CCDC178: variants seen among roughly 807,000 people sequenced by gnomAD.
CCDC178 encodes the protein coiled-coil domain containing 178.
CCDC178 carries 126 observed loss-of-function variants against 117.4 expected under a neutral mutation model. That is an observed-to-expected ratio of 1.07 (90% CI 0.93 to 1.24). CCDC178 has a LOEUF of 1.24. Ranked by LOEUF, CCDC178 falls within the 50% of genes most tolerant of loss-of-function variation. CCDC178 has a pLI of 0.00. For missense variants in CCDC178, 1,030 were observed against 986.9 expected, an observed-to-expected ratio of 1.04 and a Z score of -0.59; for synonymous variants, 283 against 313.4, an observed-to-expected ratio of 0.90 and a Z score of 1.02.
At chr18:33,176,705 G>A (rs916235101) in intron 20 of CCDC178, among the ~76,000 whole-genome samples, 2 of 151,984 alleles carry the variant, frequency 1.3e-5, no homozygotes, top group Admixed American at 1.3e-4. Flanking sequence ...AATTACTACA[G>A]TGTACTGTCT....
At chr18:33,089,966 A>G (rs1779330433) in intron 21 of CCDC178, among the ~76,000 whole-genome samples, 1 of 152,188 alleles carries the variant, frequency 6.6e-6, no homozygotes, top group Non-Finnish European at 1.5e-5. Flanking sequence ...TTACCCATGA[A>G]CAGGGCAAAT....
intron 22 of CCDC178, among the ~76,000 whole-genome samples, chr18:32,944,275 T>C (rs2054298909): frequency 1.3e-5 from 2 of 152,174 alleles, no homozygotes; most frequent in East Asian, 3.9e-4. Flanking sequence ...AAGCTGGTCC[T>C]TGAAAGATGA....
At chr18:33,179,079 ATATATATATATATATATATATATATATAT>A (rs2058699199) in intron 20 of CCDC178, among the ~76,000 whole-genome samples, 1 of 43,858 alleles carries the variant, frequency 2.3e-5, no homozygotes, top group Non-Finnish European at 3.5e-5. Context: ...AAAAAAAAAA[ATATATATATATATATATATATATATATAT>A]AAACTATATA....
intron 15 of CCDC178, among the ~76,000 whole-genome samples, chr18:33,239,499 T>A: frequency 6.9e-6 from 1 of 144,810 alleles, no homozygotes; most frequent in African/African-American, 2.6e-5. Context: ...GAAAGTGACG[T>A]GGTTAAAAAA....
intron 14 of CCDC178, 93 bp downstream of exon 14, chr18:33,266,823 A>T (rs1301611427): frequency 4.1e-6 from 5 of 1,209,048 alleles, no homozygotes; most frequent in Non-Finnish European, 5.6e-6. Context: ...CAAAAACACC[A>T]CCATATAACT....
chr18:33,421,001 A>G (rs964440200), intron 2 of CCDC178, among the ~76,000 whole-genome samples: 1 of 152,192 alleles, frequency 6.6e-6, no homozygotes, highest in African/African-American at 2.4e-5. Flanking sequence ...CAACCAGAGA[A>G]GCAATTAGAG....
intron 10 of CCDC178, among the ~76,000 whole-genome samples, chr18:33,326,800 C>A (rs1321055706): frequency 2.0e-5 from 3 of 151,574 alleles, no homozygotes; most frequent in Non-Finnish European, 4.4e-5. Flanking sequence ...TGAAGGCAGC[C>A]TTCTCTCTCA....
At chr18:33,061,756 T>A (rs537993850) in intron 21 of CCDC178, among the ~76,000 whole-genome samples, 2 of 152,342 alleles carry the variant, frequency 1.3e-5, no homozygotes, top group South Asian at 4.1e-4. Context: ...TTAGATGATC[T>A]ATAAATGATA....
chr18:33,158,154 T>G (rs1481659537), intron 20 of CCDC178, among the ~76,000 whole-genome samples: 1 of 152,168 alleles, frequency 6.6e-6, no homozygotes, highest in African/African-American at 2.4e-5. Flanking sequence ...TTAAATTGCT[T>G]TCTTATCACT....
chr18:33,305,168 G>A (rs2062231024), intron 11 of CCDC178, among the ~76,000 whole-genome samples: 2 of 152,106 alleles, frequency 1.3e-5, no homozygotes, highest in Admixed American at 1.3e-4. Context: ...CCTTATTTGG[G>A]AAGCTTTTTT....
intron 9 of CCDC178, among the ~76,000 whole-genome samples, chr18:33,340,137 G>T (rs146984819): frequency 6.6e-4 from 101 of 152,272 alleles, no homozygotes; most frequent in Middle Eastern, 3.4e-3. Context: ...GGATGAGGTG[G>T]TCTCAGACAG....
chr18:33,354,351 C>T (rs1243910223), intron 7 of CCDC178, among the ~76,000 whole-genome samples: 1 of 152,030 alleles, frequency 6.6e-6, no homozygotes, highest in Non-Finnish European at 1.5e-5. Context: ...AGTTTCTTAG[C>T]CATTGTTTCT....
Position 32,987,955 on chromosome 18 carries a change from C to T in CCDC178, c.2389-13274G>A, listed in dbSNP as rs9675909. Among the ~76,000 whole-genome samples the T allele has an allele frequency of 9.3e-3, 1,407 of 151,806 alleles. 23 individuals are homozygous for T. The highest frequency in any genetic ancestry group is 0.033 in the African/African-American group (1,351 of 41,400). ...TCTACTGCGTGGTGGCAGACGCCTG[C>T]AATCCCAGCTACTTGGGAGACTGAG... On this transcript the variant is annotated intron_variant, in intron 21 of 22. Transcript: ENST00000383096.
intron 20 of CCDC178, among the ~76,000 whole-genome samples, chr18:33,119,172 G>A (rs1052876783): frequency 6.6e-6 from 1 of 152,130 alleles, no homozygotes; most frequent in Non-Finnish European, 1.5e-5. Flanking sequence ...GGCAACAAAA[G>A]CCAAAATTGA....
chr18:33,207,569 G>A (rs1420797628), intron 20 of CCDC178, among the ~76,000 whole-genome samples: 1 of 150,734 alleles, frequency 6.6e-6, no homozygotes, highest in Non-Finnish European at 1.5e-5. Flanking sequence ...AATATCTAAA[G>A]TATGTTCATT....
chr18:33,155,547 G>A (rs1033718027), intron 20 of CCDC178, among the ~76,000 whole-genome samples: 3 of 152,024 alleles, frequency 2.0e-5, no homozygotes, highest in African/African-American at 7.2e-5. Flanking sequence ...AATCTCAGGT[G>A]CATTACTTTC....
intron 20 of CCDC178, among the ~76,000 whole-genome samples, chr18:33,180,104 C>T (rs141501061): frequency 1.1e-3 from 166 of 151,830 alleles, no homozygotes; most frequent in Non-Finnish European, 1.8e-3. Context: ...TTAAATGAGT[C>T]CATCATTTAT....
chr18:33,080,164 A>C (rs2057276058), intron 21 of CCDC178, among the ~76,000 whole-genome samples: 1 of 152,134 alleles, frequency 6.6e-6, no homozygotes, highest in African/African-American at 2.4e-5. Flanking sequence ...CTTAACAACT[A>C]ATGTAGGAAC....
chr18:33,120,041 G>C (rs1194969054), intron 20 of CCDC178, among the ~76,000 whole-genome samples: 4 of 151,922 alleles, frequency 2.6e-5, no homozygotes, highest in South Asian at 2.1e-4. Flanking sequence ...GTCGTGGGGT[G>C]GGGGGAGTGG....
Sources: allele counts gnomAD v4.1 joint callset (sites outside exome capture counted in the v4.1 genomes callset), GRCh38; gene constraint gnomAD v4.1.1; transcripts MANE v1.5; gene names NCBI Gene and HGNC (gene_info 2026-07-23, HGNC 2026-07-21).